The following CACNA1D variants were observed in gnomAD, a reference collection of about 807,000 sequenced individuals.
The protein encoded by CACNA1D is voltage-dependent L-type calcium channel subunit alpha-1D.
In CACNA1D, 55 loss-of-function variants were observed where a neutral mutation model predicts 257.1. The observed-to-expected ratio is 0.21, with a 90% confidence interval of 0.17 to 0.27. The LOEUF (loss-of-function observed/expected upper bound fraction) is 0.27, where lower values mean the gene tolerates loss of function less well. Ranked by LOEUF, CACNA1D falls within the 10% of genes least tolerant of loss-of-function variation. The pLI is 1.00. For synonymous variants in CACNA1D, 980 were observed against 1,014.9 expected (o/e 0.97, Z 0.65); for missense variants, 1,876 against 2,784.0 (o/e 0.67, Z 7.34).
At chr3:53,644,040 C>T (rs900372177) in intron 3 of CACNA1D, among the ~76,000 whole-genome samples, 1 of 152,218 alleles carries the variant, frequency 6.6e-6, no homozygotes, top group Non-Finnish European at 1.5e-5. Context: ...GTCAAAACCT[C>T]TCATTTTGCC....
Position 53,811,028 on chromosome 3 carries a change from G to C in CACNA1D, c.6193-85G>C. On this transcript the variant is annotated intron_variant, in intron 47 of 47. Transcript: ENST00000350061. This position sits in a 1 kb window ranked among gnomAD's most constrained non-coding sequence, Gnocchi z 4.2. ...CAAAGCACACGGTGCAGTTAAGTTA[G>C]CACTGGAGTTGATTTTTCTGTCGTC... 1 of 1,000,092 alleles carries C rather than the reference G, an allele frequency of 1.0e-6. No homozygotes were observed. The highest frequency in any genetic ancestry group is 2.4e-5 in the East Asian group (1 of 42,108). 62.0% of individuals were successfully genotyped at this position (1,000,092 alleles called of 1,614,324 possible). A position where few individuals can be genotyped will look rare whatever the true frequency, so the allele number is the denominator to read the frequency against.
chr3:53,807,661 G>A (rs1365940419), intron 45 of CACNA1D: 1 of 152,486 alleles, frequency 6.6e-6, no homozygotes, highest in African/African-American at 2.4e-5. Context: ...AGGTTTCTGG[G>A]AGGAGGCTGC....
rs2094265044 is a variant in CACNA1D at position 53,666,495 on chromosome 3, A to G, written c.1076A>G (p.Gln359Arg). The G allele has an allele frequency of 6.2e-7, 1 of 1,614,090 alleles. No homozygotes were observed. Among genetic ancestry groups the G allele is most frequent in the African/African-American group, 1.3e-5 (1 of 74,938 alleles). The change falls in exon 7 of 48, where the codon CAG (glutamine) becomes CGG (arginine). Residue 359 changes from glutamine to arginine, a missense_variant. Coordinates refer to ENST00000350061, the MANE Select transcript of CACNA1D (RefSeq NM_001128840.3). ...NFAFAMLTVFQCITMEGWTDV... is the reference protein window; with the variant it reads ...NFAFAMLTVFRCITMEGWTDV... ...GCCTTTGCCATGCTTACTGTGTTTCAGTGCATCACCATGGAGGGCTGGACA... is the reference window on the plus strand; with the variant it reads ...GCCTTTGCCATGCTTACTGTGTTTCGGTGCATCACCATGGAGGGCTGGACA...
intron 17 of CACNA1D, 77 bp from the exon 18 acceptor site, chr3:53,731,939 C>T: frequency 3.2e-6 from 3 of 924,028 alleles, no homozygotes; most frequent in Non-Finnish European, 5.4e-6. Flanking sequence ...CTATGCTGGA[C>T]CACCAGGGTG....
At chr3:53,538,141 G>GTTTTTTTGTTTTTTTTT (rs2092171098) in intron 3 of CACNA1D, among the ~76,000 whole-genome samples, 2 of 90,478 alleles carry the variant, frequency 2.2e-5, no homozygotes, top group African/African-American at 1.2e-4. Context: ...AGTTTTTGAA[G>GTTTTTTTGTTTTTTTTT]TTTTTTTTTT....
chr3:53,735,516 G>C lies in CACNA1D; in HGVS notation c.2751+13G>C. ...CTTCCGGAACACGGTAAGTCCCCAG[G>C]GTGGGGCTCGCTCTGGGATAGCCCT... On this transcript the variant is annotated intron_variant, in intron 20 of 47. Coordinates refer to ENST00000350061, the MANE Select transcript of CACNA1D (RefSeq NM_001128840.3). 3 of 1,613,674 alleles carry C rather than the reference G, an allele frequency of 1.9e-6. No homozygotes were observed. The highest frequency in any genetic ancestry group is 2.5e-6 in the Non-Finnish European group (3 of 1,179,980).
chr3:53,507,089 A>AAC (rs1553707875), intron 3 of CACNA1D, among the ~76,000 whole-genome samples: 19 of 150,276 alleles, frequency 1.3e-4, no homozygotes, highest in African/African-American at 4.4e-4. Flanking sequence ...AAAAAAAAAA[A>AAC]AAAACAAAAA....
intron 3 of CACNA1D, among the ~76,000 whole-genome samples, chr3:53,630,093 A>G (rs774052417): frequency 6.6e-6 from 1 of 152,234 alleles, no homozygotes; most frequent in Non-Finnish European, 1.5e-5. Context: ...TTAAAAAGAC[A>G]TAACACCTGT....
At position 53,615,366 on chromosome 3, in the gene CACNA1D, T is replaced by C. The variant is rs77615407; in HGVS notation, c.484-35413T>C. 4.7e-3 allele frequency among the ~76,000 whole-genome samples: 718 copies of C among 152,302 alleles called. 5 individuals carry two copies. The highest frequency in any genetic ancestry group is 0.016 in the African/African-American group (663 of 41,570). ...TCCAGACCTGGCCTCTTTGCCTAGATTGGGTAGAAGCAACCCGGTTGCCCT... is the reference window on the plus strand; with the variant it reads ...TCCAGACCTGGCCTCTTTGCCTAGACTGGGTAGAAGCAACCCGGTTGCCCT... On this transcript the variant is annotated intron_variant, in intron 3 of 47. Coordinates refer to ENST00000350061, the MANE Select transcript of CACNA1D (RefSeq NM_001128840.3).
intron 3 of CACNA1D, among the ~76,000 whole-genome samples, chr3:53,504,108 A>G (rs897006085): frequency 4.0e-5 from 6 of 148,794 alleles, no homozygotes; most frequent in African/African-American, 1.0e-4. Flanking sequence ...TGATTGCTCT[A>G]TTTTTGGGAT....
chr3:53,557,228 G>A (rs2092660963), intron 3 of CACNA1D, among the ~76,000 whole-genome samples: 1 of 152,088 alleles, frequency 6.6e-6, no homozygotes, highest in Non-Finnish European at 1.5e-5. Context: ...AGGCGTGGTG[G>A]CTCACCGCTG....
chr3:53,776,103 G>T lies in CACNA1D; in HGVS notation c.4362+58G>T, dbSNP rs1473854321. On this transcript the variant is annotated intron_variant, in intron 35 of 47. Transcript: ENST00000350061. ...TACAGATGCTTATGTAGCAGTCAGCGTTCACACAAATGGCCTTGCCCTGTC... is the reference window on the plus strand; with the variant it reads ...TACAGATGCTTATGTAGCAGTCAGCTTTCACACAAATGGCCTTGCCCTGTC... The T allele has an allele frequency of 2.0e-6, 3 of 1,500,586 alleles. No homozygotes were observed. In the Admixed American group the frequency reaches 5.0e-5, roughly 25 times the overall value. The allele number at this position is 1,500,586 out of a possible 1,614,324, so 93.0% of individuals were successfully genotyped here.
At chr3:53,520,371 T>C (rs893415483) in intron 3 of CACNA1D, among the ~76,000 whole-genome samples, 2 of 152,246 alleles carry the variant, frequency 1.3e-5, no homozygotes, top group African/African-American at 4.8e-5. Flanking sequence ...GTAGTTTTGA[T>C]TTGCATTTCT....
At chr3:53,757,237 A>G (rs1333641476) in intron 29 of CACNA1D, among the ~76,000 whole-genome samples, 1 of 151,648 alleles carries the variant, frequency 6.6e-6, no homozygotes, top group Non-Finnish European at 1.5e-5. Context: ...TCAGTTCTTC[A>G]TGACCCCATC....
At chr3:53,497,953 A>T (rs567855640) in intron 2 of CACNA1D, among the ~76,000 whole-genome samples, 13 of 152,310 alleles carry the variant, frequency 8.5e-5, no homozygotes, top group African/African-American at 2.4e-4. Context: ...ACTACAATTA[A>T]TGCTAAGGTT....
intron 8 of CACNA1D, among the ~76,000 whole-genome samples, chr3:53,691,963 C>T (rs931022837): frequency 1.4e-5 from 1 of 69,126 alleles, no homozygotes; most frequent in African/African-American, 5.8e-5. Flanking sequence ...ATACAAGACT[C>T]CTGCTTGTTT....
At chr3:53,680,050 C>CTA (rs1370553096) in intron 8 of CACNA1D, among the ~76,000 whole-genome samples, 2 of 152,202 alleles carry the variant, frequency 1.3e-5, no homozygotes, top group Admixed American at 6.5e-5. Context: ...TAGCTGACAG[C>CTA]TGGATCCTGG....
At chr3:53,566,549 C>T (rs549866213) in intron 3 of CACNA1D, among the ~76,000 whole-genome samples, 1 of 152,188 alleles carries the variant, frequency 6.6e-6, no homozygotes, top group Admixed American at 6.5e-5. Flanking sequence ...TCCCTCGCTT[C>T]CCCTCCCCAC....
intron 2 of CACNA1D, among the ~76,000 whole-genome samples, chr3:53,500,118 A>G (rs13316663): frequency 0.017 from 2,542 of 152,040 alleles, 80 homozygotes; most frequent in African/African-American, 0.058. Flanking sequence ...GAGGCCGGGC[A>G]CAGTGGCTCA....
Sources: gnomAD v4.1 joint callset for allele counts (sites outside exome capture counted in the v4.1 genomes callset) on GRCh38, gnomAD v4.1.1 for gene constraint, Gnocchi (gnomAD v3.1) non-coding constraint, MANE v1.5 for transcripts, NCBI Gene and HGNC (gene_info 2026-07-23, HGNC 2026-07-21) for gene names.